The following ZNF804A variants were observed in gnomAD, a reference collection of about 807,000 sequenced individuals.
ZNF804A encodes the protein zinc finger protein 804A.
A neutral mutation model predicts 16.5 loss-of-function variants in ZNF804A; 2 were observed. The observed-to-expected ratio is 0.12, with a 90% CI of 0.05 to 0.38. The LOEUF (loss-of-function observed/expected upper bound fraction) is 0.38, where lower values mean the gene tolerates loss of function less well. ZNF804A is among the 10% of genes least tolerant of loss of function. ZNF804A has a pLI of 0.99. For missense variants in ZNF804A, 1,473 were observed against 1,390.7 expected (o/e 1.06, Z -0.94); for synonymous variants, 534 against 489.6 (o/e 1.09, Z -1.20).
chr2:184,766,454 TAGGAAGCATAAATATTAA>T (rs1454906478), intron 1 of ZNF804A, among the ~76,000 whole-genome samples: 53 of 152,140 alleles, frequency 3.5e-4, no homozygotes, highest in African/African-American at 1.3e-3. Flanking sequence ...TTCTTTTTAT[TAGGAAGCATAAATATTAA>T]AGAGTCTAAT....
At chr2:184,914,633 G>A (rs891902283) in intron 2 of ZNF804A, among the ~76,000 whole-genome samples, 2 of 151,888 alleles carry the variant, frequency 1.3e-5, no homozygotes, top group African/African-American at 4.8e-5. Context: ...CCATAAAGAA[G>A]GAGAAAACAC....
At chr2:184,787,529 G>T (rs1694467354) in intron 1 of ZNF804A, among the ~76,000 whole-genome samples, 1 of 150,954 alleles carries the variant, frequency 6.6e-6, no homozygotes, top group Non-Finnish European at 1.5e-5. Flanking sequence ...TTGTTTTTTT[G>T]ACTTTTTAAT....
At chr2:184,732,983 C>G (rs551817396) in intron 1 of ZNF804A, among the ~76,000 whole-genome samples, 1 of 152,222 alleles carries the variant, frequency 6.6e-6, no homozygotes, top group South Asian at 2.1e-4. Flanking sequence ...TGAACAAAGA[C>G]AGTGTTACAT....
intron 1 of ZNF804A, among the ~76,000 whole-genome samples, chr2:184,694,107 CTT>C (rs77462641): frequency 2.8e-5 from 4 of 142,096 alleles, no homozygotes. Flanking sequence ...TTTATTTTTA[CTT>C]TTTTTTTTTT....
rs370726033 is a variant in ZNF804A at position 184,694,259 on chromosome 2, T to C, written c.111+95189T>C. ...CCACTGTGCTAGGCTTAGTCTTTAT[T>C]AGAGTTCCTAAAGTAACATCTTCTG... is the stretch of plus-strand genomic sequence containing the variant. On this transcript the variant is annotated intron_variant, in intron 1 of 3. Transcript: ENST00000302277. Among the ~76,000 whole-genome samples, 113 of 152,194 alleles carry C rather than the reference T, an allele frequency of 7.4e-4. 1 individual carries two copies. In the Middle Eastern group the frequency reaches 0.041, roughly 55 times the overall value.
At chr2:184,682,499 TA>T (rs1251352128) in intron 1 of ZNF804A, among the ~76,000 whole-genome samples, 2 of 152,190 alleles carry the variant, frequency 1.3e-5, no homozygotes, top group Admixed American at 6.5e-5. Flanking sequence ...GCTTGAGAAT[TA>T]ATTCATGTGG....
chr2:184,612,456 G>C (rs1691253129), intron 1 of ZNF804A, among the ~76,000 whole-genome samples: 3 of 150,876 alleles, frequency 2.0e-5, no homozygotes, highest in Admixed American at 6.6e-5. Flanking sequence ...TTTTGGGGGG[G>C]GGACGGAGTC....
chr2:184,754,466 T>A (rs944421797), intron 1 of ZNF804A, among the ~76,000 whole-genome samples: 3 of 151,930 alleles, frequency 2.0e-5, no homozygotes, highest in African/African-American at 7.2e-5. Context: ...TTGTCACTGT[T>A]CACATATGTG....
At chr2:184,746,532 T>G (rs1235623055) in intron 1 of ZNF804A, among the ~76,000 whole-genome samples, 1 of 151,544 alleles carries the variant, frequency 6.6e-6, no homozygotes, top group Non-Finnish European at 1.5e-5. Flanking sequence ...ACAATTATCA[T>G]TTATTTGTGT....
At chr2:184,790,266 AT>A (rs1694515188) in intron 1 of ZNF804A, among the ~76,000 whole-genome samples, 1 of 150,660 alleles carries the variant, frequency 6.6e-6, no homozygotes, top group Admixed American at 6.6e-5. Context: ...GGCCAATCAT[AT>A]GGTCGATTTT....
chr2:184,692,339 T>C (rs1291876562), intron 1 of ZNF804A, among the ~76,000 whole-genome samples: 1 of 152,090 alleles, frequency 6.6e-6, no homozygotes, highest in Admixed American at 6.5e-5. Context: ...TTGAATTCAT[T>C]ACAGTCTTTC....
chr2:184,680,715 T>G (rs1574159815), intron 1 of ZNF804A, among the ~76,000 whole-genome samples: 1 of 152,350 alleles, frequency 6.6e-6, no homozygotes, highest in African/African-American at 2.4e-5. Context: ...GGACAATAAC[T>G]TGGGACCCAC....
At chr2:184,712,256 C>T (rs989499868) in intron 1 of ZNF804A, among the ~76,000 whole-genome samples, 1 of 151,754 alleles carries the variant, frequency 6.6e-6, no homozygotes, top group Non-Finnish European at 1.5e-5. Context: ...GCCTCAGCCT[C>T]ACAAAACAGT....
At chr2:184,905,440 A>G (rs1343114958) in intron 2 of ZNF804A, among the ~76,000 whole-genome samples, 3 of 152,026 alleles carry the variant, frequency 2.0e-5, no homozygotes, top group Non-Finnish European at 2.9e-5. Flanking sequence ...TAAAAATATT[A>G]TATTTGCTTT....
intron 1 of ZNF804A, among the ~76,000 whole-genome samples, chr2:184,649,054 T>TA (rs202064777): frequency 4.2e-4 from 64 of 151,104 alleles, no homozygotes; most frequent in Non-Finnish European, 7.8e-4. Context: ...CTCAATAAGT[T>TA]AAAAAAAAAT....
intron 2 of ZNF804A, among the ~76,000 whole-genome samples, chr2:184,918,388 CA>C (rs1205534013): frequency 2.0e-5 from 3 of 152,048 alleles, no homozygotes; most frequent in Admixed American, 6.6e-5. Context: ...AATAGGAAGC[CA>C]AAAATTTGCT....
At chr2:184,767,451 G>C (rs1349275179) in intron 1 of ZNF804A, among the ~76,000 whole-genome samples, 1 of 152,098 alleles carries the variant, frequency 6.6e-6, no homozygotes, top group Non-Finnish European at 1.5e-5. Context: ...GTGGAAGGGG[G>C]AAATGGAGAG....
intron 1 of ZNF804A, among the ~76,000 whole-genome samples, chr2:184,622,393 A>G (rs1691433702): frequency 6.4e-5 from 2 of 31,174 alleles, no homozygotes; most frequent in South Asian, 1.4e-3. Context: ...TTTGAACTTA[A>G]CAATGTTCTG....
At position 184,936,217 on chromosome 2, in the gene ZNF804A, A is replaced by T; in HGVS notation, c.821A>T (p.Lys274Ile). The T allele has an allele frequency of 6.2e-7, 1 of 1,614,052 alleles. No homozygotes were observed. The highest frequency in any genetic ancestry group is 8.5e-7 in the Non-Finnish European group (1 of 1,179,960). ...PTDVLLSSEE[K>I]TNSFHPPEAM... ...GATGTGCTTTTGAGTTCTGAGGAGA[A>T]AACTAACTCTTTTCATCCACCAGAG... is the stretch of plus-strand genomic sequence containing the variant. Residue 274 changes from lysine (K) to isoleucine (I), a missense_variant, in exon 4 of 4, where the codon AAA becomes ATA. Physicochemically the swap from Lys to Ile is moderately radical, Grantham distance 102 (BLOSUM62 -3). Coordinates refer to ENST00000302277, the MANE Select transcript of ZNF804A (RefSeq NM_194250.2).
Sources: gnomAD v4.1 joint callset for allele counts (sites outside exome capture counted in the v4.1 genomes callset) on GRCh38, gnomAD v4.1.1 for gene constraint, MANE v1.5 for transcripts, NCBI Gene and HGNC (gene_info 2026-07-23, HGNC 2026-07-21) for gene names.